MAP3K10: variants seen among roughly 807,000 people sequenced by gnomAD.
The protein encoded by MAP3K10 is mitogen-activated protein kinase kinase kinase 10, also known as MKN28 derived nonreceptor_type serine/threonine kinase.
In MAP3K10, 22 loss-of-function variants were observed where a neutral mutation model predicts 75.0. The ratio of observed to expected loss-of-function variants is 0.29; its 90% CI spans 0.21 to 0.42. The LOEUF (loss-of-function observed/expected upper bound fraction) is 0.42. Among genes scored for constraint, MAP3K10 ranks in the 10% least tolerant of loss-of-function variants. The pLI is 1.00. For missense variants in MAP3K10, 1,165 were observed against 1,379.8 expected, an observed-to-expected ratio of 0.84 and a Z score of 2.47; for synonymous variants, 599 against 612.9, an observed-to-expected ratio of 0.98 and a Z score of 0.34.
intron 1 of MAP3K10, among the ~76,000 whole-genome samples, chr19:40,194,698 G>A (rs2145067390): frequency 6.6e-6 from 1 of 152,304 alleles, no homozygotes; most frequent in Middle Eastern, 3.4e-3. Context: ...CCTACCCTAA[G>A]GAGCGCCTCA....
chr19:40,196,971 G>C (rs1304767231), intron 1 of MAP3K10, among the ~76,000 whole-genome samples: 2 of 152,160 alleles, frequency 1.3e-5, no homozygotes, highest in African/African-American at 2.4e-5. Context: ...GAACCATCCA[G>C]TATGTTTAGG....
rs1568490063 is a variant in MAP3K10 at position 40,204,407 on chromosome 19, G to A, written c.864-78G>A. 4 of 1,514,132 alleles carry A rather than the reference G, an allele frequency of 2.6e-6. No homozygotes were observed. The highest frequency in any genetic ancestry group is 3.8e-4 in the Middle Eastern group (2 of 5,332). The allele number at this position is 1,514,132 out of a possible 1,614,324, so 93.8% of individuals were successfully genotyped here. On this transcript the variant is annotated intron_variant, in intron 2 of 9. Coordinates refer to ENST00000253055, the MANE Select transcript of MAP3K10 (RefSeq NM_002446.4). This position sits in a 1 kb window ranked among gnomAD's most constrained non-coding sequence, Gnocchi z 4.3. Reference sequence around the variant, plus strand: ...TGTTGGGGTGAGGGCAGCCCTGCATGGGACCAAGGGCAGGGCTGGGTATAG... The same window carrying A: ...TGTTGGGGTGAGGGCAGCCCTGCATAGGACCAAGGGCAGGGCTGGGTATAG...
chr19:40,211,043 C>T (rs148363094), intron 6 of MAP3K10, among the ~76,000 whole-genome samples: 5 of 152,296 alleles, frequency 3.3e-5, no homozygotes, highest in South Asian at 2.1e-4. Context: ...AGAAGGGTTG[C>T]GATTTTCCAT....
In MAP3K10 at chr19:40,192,237, G is replaced by A; in HGVS notation, c.206G>A (p.Gly69Asp). 1 of 1,604,486 alleles carries A rather than the reference G, an allele frequency of 6.2e-7. No homozygotes were observed. Among genetic ancestry groups the A allele is most frequent in the Non-Finnish European group, 8.5e-7 (1 of 1,177,242 alleles). Residue 69 changes from glycine to aspartate, a missense_variant, in exon 1 of 10, where the codon GGC (glycine) becomes GAC (aspartate). Physicochemically the swap from Gly to Asp is moderately conservative, Grantham distance 94. Around this residue, in one of 2 missense-constraint regions of MAP3K10, gnomAD observed 575 missense variants for 793.2 expected, o/e 0.72. Transcript: ENST00000253055. This position sits in a 1 kb window ranked among gnomAD's most constrained non-coding sequence, Gnocchi z 7.1. ...GGGCAGCTCCCCAGCGGCCGCGTGG[G>A]CGTCTTCCCCAGCAACTACGTGGCC... ...WTGQLPSGRV[G>D]VFPSNYVAPG...
In MAP3K10 at chr19:40,215,162, C is replaced by CA; in HGVS notation, c.2735_2736insA (p.Pro913SerfsTer55). ...TTCGGCCGGACACTCACCATCTCGCCTCCCAGCAGGCCAGACACTCCGGAG... is the reference window on the plus strand; with the variant it reads ...TTCGGCCGGACACTCACCATCTCGCCATCCCAGCAGGCCAGACACTCCGGAG... On this transcript the variant is annotated frameshift_variant, in exon 10 of 10. Coordinates refer to ENST00000253055, the MANE Select transcript of MAP3K10 (RefSeq NM_002446.4). LOFTEE classifies it high-confidence loss of function. The CA allele has an allele frequency of 6.2e-7, 1 of 1,606,804 alleles. No homozygotes were observed. The highest frequency in any genetic ancestry group is 8.5e-7 in the Non-Finnish European group (1 of 1,177,396).
rs917179989 is a variant in MAP3K10, at chr19:40,212,508, C to T, written c.1553-297C>T. On this transcript the variant is annotated intron_variant, in intron 6 of 9. Transcript: ENST00000253055. The surrounding 1 kb of genome is among the most constrained non-coding windows in gnomAD (Gnocchi z 4.2). Reference sequence around the variant, plus strand: ...ACTACCCAGAGCTGGAGACCAGAAGCGCAGGCAGCCCGCCAGAATGAATGG... The same window carrying T: ...ACTACCCAGAGCTGGAGACCAGAAGTGCAGGCAGCCCGCCAGAATGAATGG... Among the ~76,000 whole-genome samples, 1 of 152,158 alleles carries T rather than the reference C, an allele frequency of 6.6e-6. No individual in the cohort carries two copies. Among genetic ancestry groups the T allele is most frequent in the Admixed American group, 6.5e-5 (1 of 15,272 alleles).
Position 40,213,424 on chromosome 19 carries a change from G to A in MAP3K10, c.1838-93G>A. On this transcript the variant is annotated intron_variant, in intron 8 of 9. Coordinates refer to ENST00000253055, the MANE Select transcript of MAP3K10 (RefSeq NM_002446.4). The surrounding 1 kb of genome is among the most constrained non-coding windows in gnomAD (Gnocchi z 5.7). Reference sequence around the variant, plus strand: ...GATGCTCGTGGGTCTTGGTCTTGCTGTTGGAGGGGTCATCGGGGGCTGTCC... The same window carrying A: ...GATGCTCGTGGGTCTTGGTCTTGCTATTGGAGGGGTCATCGGGGGCTGTCC... The A allele has an allele frequency of 6.5e-7, 1 of 1,537,852 alleles. No homozygotes were observed. The highest frequency in any genetic ancestry group is 1.2e-5 in the South Asian group (1 of 83,064).
At chr19:40,202,832 C>G (rs549226692) in intron 2 of MAP3K10, among the ~76,000 whole-genome samples, 10 of 152,106 alleles carry the variant, frequency 6.6e-5, no homozygotes, top group Admixed American at 1.3e-4. Context: ...CTACTACACC[C>G]CCTCCTACAT....
chr19:40,214,874 G>A lies in MAP3K10; in HGVS notation c.2543-96G>A, dbSNP rs945821361. Reference sequence around the variant, plus strand: ...AGCAAGATCCACGGATTTCTCGAGAGAAACCAGAACTTGTGCTTTTCATGT... The same window carrying A: ...AGCAAGATCCACGGATTTCTCGAGAAAAACCAGAACTTGTGCTTTTCATGT... On this transcript the variant is annotated intron_variant, in intron 9 of 9. Coordinates refer to ENST00000253055, the MANE Select transcript of MAP3K10 (RefSeq NM_002446.4). 7.6e-6 allele frequency: 5 copies of A among 660,010 alleles called. No individual in the cohort carries two copies. In the African/African-American group the frequency reaches 9.0e-5, roughly 12 times the overall value. The allele number at this position is 660,010 out of a possible 1,614,324, so 40.9% of individuals were successfully genotyped here.
intron 5 of MAP3K10, among the ~76,000 whole-genome samples, chr19:40,206,972 G>A (rs188858825): frequency 2.6e-5 from 4 of 152,086 alleles, no homozygotes; most frequent in African/African-American, 4.8e-5. Flanking sequence ...TGGTGCACAC[G>A]CCTGTAATCT....
At chr19:40,203,334 C>CAAA (rs71981575) in intron 2 of MAP3K10, among the ~76,000 whole-genome samples, 1 of 137,490 alleles carries the variant, frequency 7.3e-6, no homozygotes, top group Non-Finnish European at 1.6e-5. Context: ...GACTTTGTCT[C>CAAA]AAAAAAAAAA....
intron 6 of MAP3K10, among the ~76,000 whole-genome samples, chr19:40,210,919 A>G (rs374688785): frequency 4.9e-4 from 74 of 152,304 alleles, no homozygotes; most frequent in African/African-American, 1.7e-3. Flanking sequence ...CTCTTTACTC[A>G]GTCCACTGAT....
intron 6 of MAP3K10, among the ~76,000 whole-genome samples, chr19:40,211,708 C>T (rs992641371): frequency 6.6e-6 from 1 of 152,042 alleles, no homozygotes; most frequent in Non-Finnish European, 1.5e-5. Flanking sequence ...GACATGATCT[C>T]GTTCCTTTTT....
chr19:40,201,167 GTTTT>G (rs986113003), intron 2 of MAP3K10, among the ~76,000 whole-genome samples: 41 of 146,816 alleles, frequency 2.8e-4, no homozygotes, highest in Non-Finnish European at 2.4e-4. Context: ...GAGCTCCAGC[GTTTT>G]TTGTTTTTTT....
chr19:40,213,872 C>T lies in MAP3K10; in HGVS notation c.2193C>T (p.Arg731=), dbSNP rs1299180361. ...LSPPARPHGR[R]EDVGPGLGLA... The stretch of plus-strand genomic sequence containing the variant: ...CACCCGCGCGTCCCCACGGCCGCCG[C>T]GAAGACGTGGGCCCCGGCCTGGGCC... Residue 731 remains arginine, a synonymous_variant, in exon 9 of 10, where the codon CGC becomes CGT. Coordinates refer to ENST00000253055, the MANE Select transcript of MAP3K10 (RefSeq NM_002446.4). This position sits in a 1 kb window ranked among gnomAD's most constrained non-coding sequence, Gnocchi z 5.7. The T allele has an allele frequency of 2.8e-6, 4 of 1,425,650 alleles. No individual in the cohort carries two copies. In the East Asian group the frequency reaches 9.3e-5, roughly 33 times the overall value. 88.3% of individuals were successfully genotyped at this position (1,425,650 alleles called of 1,614,324 possible). A position where few individuals can be genotyped will look rare whatever the true frequency, so the allele number is the denominator to read the frequency against.
chr19:40,192,600 G>C lies in MAP3K10; in HGVS notation c.569G>C (p.Arg190Pro). The C allele has an allele frequency of 6.2e-7, 1 of 1,612,542 alleles. No homozygotes were observed. The highest frequency in any genetic ancestry group is 8.5e-7 in the Non-Finnish European group (1 of 1,179,552). ...GALSRVLAGR[R>P]VPPHVLVNWA... ...CTGAGCAGGGTGCTGGCAGGTCGCC[G>C]GGTGCCACCTCACGTGCTGGTCAAC... Residue 190 changes from arginine (R) to proline (P), a missense_variant, in exon 1 of 10, where the codon CGG becomes CCG. Transcript: ENST00000253055. The surrounding 1 kb of genome is among the most constrained non-coding windows in gnomAD (Gnocchi z 7.1).
At chr19:40,199,910 G>A (rs995000322) in intron 2 of MAP3K10, among the ~76,000 whole-genome samples, 10 of 152,244 alleles carry the variant, frequency 6.6e-5, no homozygotes, top group African/African-American at 2.4e-4. Flanking sequence ...TGTAATCCCA[G>A]CACTTTGGGA....
intron 1 of MAP3K10, among the ~76,000 whole-genome samples, chr19:40,197,896 A>ACC (rs1416314827): frequency 6.6e-6 from 1 of 151,940 alleles, no homozygotes; most frequent in Non-Finnish European, 1.5e-5. Flanking sequence ...CAATGGCAAG[A>ACC]CCATGGCTCA....
rs1037655563 is a variant in MAP3K10 at position 40,198,783 on chromosome 19, C to T, written c.863+228C>T. Reference sequence around the variant, plus strand: ...ATAAAAAGCTCATAGGATCTAGAGACAAGGCCGGGCGCGGGGGCGCACACC... The same window carrying T: ...ATAAAAAGCTCATAGGATCTAGAGATAAGGCCGGGCGCGGGGGCGCACACC... On this transcript the variant is annotated intron_variant, in intron 2 of 9. Transcript: ENST00000253055. This position sits in a 1 kb window ranked among gnomAD's most constrained non-coding sequence, Gnocchi z 4.3. 2.0e-5 allele frequency among the ~76,000 whole-genome samples: 3 copies of T among 152,216 alleles called. No individual in the cohort carries two copies. Among genetic ancestry groups the T allele is most frequent in the Non-Finnish European group, 4.4e-5 (3 of 68,030 alleles).
Sources: allele counts gnomAD v4.1 joint callset (sites outside exome capture counted in the v4.1 genomes callset), GRCh38; gene constraint gnomAD v4.1.1; regional missense constraint gnomAD v4.1.1; non-coding constraint Gnocchi (gnomAD v3.1); transcripts MANE v1.5; gene names NCBI Gene and HGNC (gene_info 2026-07-23, HGNC 2026-07-21).